The following EDA variants were observed in gnomAD, a reference collection of about 807,000 sequenced individuals.
The protein encoded by EDA is ectodysplasin A.
Under a neutral mutation model 23.6 loss-of-function variants are expected in EDA, and 2 were observed. The ratio of observed to expected loss-of-function variants is 0.08; its 90% CI spans 0.03 to 0.27. EDA has a LOEUF of 0.27. EDA is among the 10% of genes least tolerant of loss of function. EDA has a pLI of 1.00. For synonymous variants in EDA, 131 were observed against 132.0 expected (o/e 0.99, Z 0.05); for missense variants, 229 against 324.2 (o/e 0.71, Z 2.26).
intron 1 of EDA, among the ~76,000 whole-genome samples, chrX:69,681,192 C>T (rs1183999511): frequency 1.8e-5 from 2 of 111,540 alleles, no homozygotes; most frequent in Non-Finnish European, 3.8e-5. Context: ...GAGAGATCTG[C>T]TGTTAGTCTG....
In EDA at chrX:69,697,458, G is replaced by A. The variant is rs909167065; in HGVS notation, c.396+80754G>A. ...TTTGGTTATAGAAAAAGGGAAAAGC[G>A]ATGACTTTCTCAATAACTACTTCAA... On this transcript the variant is annotated intron_variant, in intron 1 of 7. Coordinates refer to ENST00000374552, the MANE Select transcript of EDA (RefSeq NM_001399.5). 3.6e-5 allele frequency among the ~76,000 whole-genome samples: 4 copies of A among 111,584 alleles called. No homozygotes were observed. In the South Asian group the frequency reaches 1.1e-3, roughly 32 times the overall value.
chrX:69,855,944 C>T (rs941698446), intron 1 of EDA, among the ~76,000 whole-genome samples: 5 of 110,044 alleles, frequency 4.5e-5, no homozygotes, highest in Admixed American at 3.9e-4. Flanking sequence ...TGTTTGGTTA[C>T]GTGGATAAGT....
At chrX:70,020,580 CATT>C (rs1390883302) in intron 2 of EDA, among the ~76,000 whole-genome samples, 2 of 110,309 alleles carry the variant, frequency 1.8e-5, no homozygotes, top group Non-Finnish European at 3.8e-5. Flanking sequence ...AAAAGTACAT[CATT>C]GTTTATAAAT....
At chrX:69,683,590 CT>C (rs1184967495) in intron 1 of EDA, among the ~76,000 whole-genome samples, 2 of 110,863 alleles carry the variant, frequency 1.8e-5, no homozygotes, top group Non-Finnish European at 3.8e-5. Context: ...ATTTATTTGC[CT>C]TTCATCTTAG....
At chrX:69,835,777 TGGA>T (rs1055250696) in intron 1 of EDA, among the ~76,000 whole-genome samples, 1 of 112,097 alleles carries the variant, frequency 8.9e-6, no homozygotes, top group African/African-American at 3.2e-5. Flanking sequence ...TGCGAGCCTT[TGGA>T]GGAGAAGAGG....
intron 1 of EDA, among the ~76,000 whole-genome samples, chrX:69,677,679 T>C (rs1221036607): frequency 8.9e-6 from 1 of 112,127 alleles, no homozygotes; most frequent in Non-Finnish European, 1.9e-5. Flanking sequence ...GGGGTTGTTT[T>C]TTTCTTGTAA....
chrX:69,626,158 A>G (rs1034244524), intron 1 of EDA, among the ~76,000 whole-genome samples: 2 of 112,007 alleles, frequency 1.8e-5, no homozygotes, highest in East Asian at 5.6e-4. Flanking sequence ...GAAAAAGACA[A>G]TAAGAAGTGG....
At chrX:69,752,867 G>T (rs1326472862) in intron 1 of EDA, among the ~76,000 whole-genome samples, 1 of 112,104 alleles carries the variant, frequency 8.9e-6, no homozygotes, top group Non-Finnish European at 1.9e-5. Context: ...TTTGTGTAGA[G>T]GTGTTTATAG....
At position 69,782,696 on chromosome X, in the gene EDA, C is replaced by T. The variant is rs759345211; in HGVS notation, c.396+165992C>T. 3.6e-5 allele frequency among the ~76,000 whole-genome samples: 4 copies of T among 111,801 alleles called. No individual in the cohort carries two copies. The South Asian group carries it at 1.1e-3, about 31-fold the overall frequency. On this transcript the variant is annotated intron_variant, in intron 1 of 7. Coordinates refer to ENST00000374552, the MANE Select transcript of EDA (RefSeq NM_001399.5). ...TAGGATAGGGAGCGGGCCAATAAAG[C>T]GTCTGGTACCTGGCTTCTCTGTTGT...
chrX:69,658,541 C>G (rs903189739), intron 1 of EDA, among the ~76,000 whole-genome samples: 3 of 111,044 alleles, frequency 2.7e-5, no homozygotes, highest in Admixed American at 9.7e-5. Flanking sequence ...TGCAGCCTTT[C>G]TAGTTCATTC....
At chrX:69,930,825 C>T (rs2018588621) in intron 1 of EDA, among the ~76,000 whole-genome samples, 1 of 111,386 alleles carries the variant, frequency 9.0e-6, no homozygotes, top group Non-Finnish European at 1.9e-5. Flanking sequence ...ACAGCAAGTT[C>T]ACAGGATACA....
chrX:69,782,036 G>A (rs1327891298), intron 1 of EDA, among the ~76,000 whole-genome samples: 1 of 109,563 alleles, frequency 9.1e-6, no homozygotes, highest in Non-Finnish European at 1.9e-5. Flanking sequence ...GTAGACTTTG[G>A]AGGATACGGC....
chrX:69,808,685 G>A (rs1045437713), intron 1 of EDA, among the ~76,000 whole-genome samples: 5 of 111,745 alleles, frequency 4.5e-5, no homozygotes, highest in Non-Finnish European at 9.4e-5. Flanking sequence ...TGCCGTTGAG[G>A]TACCCCATGA....
chrX:69,650,761 G>A (rs1031675619), intron 1 of EDA, among the ~76,000 whole-genome samples: 2 of 111,478 alleles, frequency 1.8e-5, no homozygotes, highest in African/African-American at 6.5e-5. Context: ...GAAGAGTGCT[G>A]TGAGAGAATA....
At chrX:69,819,587 G>A (rs2016160960) in intron 1 of EDA, among the ~76,000 whole-genome samples, 1 of 111,254 alleles carries the variant, frequency 9.0e-6, no homozygotes, top group Non-Finnish European at 1.9e-5. Flanking sequence ...CAACAACAGG[G>A]AAGCAGAGAG....
intron 1 of EDA, among the ~76,000 whole-genome samples, chrX:69,624,792 C>T (rs1932319549): frequency 1.0e-5 from 1 of 100,040 alleles, no homozygotes; most frequent in Non-Finnish European, 2.1e-5. Flanking sequence ...AGAAGCTCCT[C>T]TCTCTCTCTC....
At chrX:69,833,306 T>G (rs190610129) in intron 1 of EDA, among the ~76,000 whole-genome samples, 13 of 110,792 alleles carry the variant, frequency 1.2e-4, no homozygotes, top group African/African-American at 4.2e-4. Flanking sequence ...ATCATGTGGT[T>G]TTTTTGTTGT....
At chrX:70,005,607 A>G (rs2019793066) in intron 2 of EDA, among the ~76,000 whole-genome samples, 1 of 108,566 alleles carries the variant, frequency 9.2e-6, no homozygotes, top group Admixed American at 1.0e-4. Flanking sequence ...GTTTTAAAGG[A>G]TGTGTAGGTA....
intron 1 of EDA, among the ~76,000 whole-genome samples, chrX:69,951,199 G>C (rs1299604943): frequency 9.0e-6 from 1 of 110,708 alleles, no homozygotes; most frequent in Non-Finnish European, 1.9e-5. Context: ...AAAAATAAAA[G>C]TGGCTTTACG....
Sources: gnomAD v4.1 joint callset for allele counts (sites outside exome capture counted in the v4.1 genomes callset) on GRCh38, gnomAD v4.1.1 for gene constraint, MANE v1.5 for transcripts, NCBI Gene and HGNC (gene_info 2026-07-23, HGNC 2026-07-21) for gene names.